The following SEC14L5 variants were observed in gnomAD, a reference collection of about 807,000 sequenced individuals.
SEC14L5 encodes the protein SEC14-like protein 5.
A neutral mutation model predicts 84.6 loss-of-function variants in SEC14L5; 96 were observed. The ratio of observed to expected loss-of-function variants is 1.13; its 90% CI spans 0.96 to 1.34. The LOEUF (loss-of-function observed/expected upper bound fraction) is 1.34, where lower values mean the gene tolerates loss of function less well. SEC14L5 is among the 40% of genes most tolerant of loss of function. The pLI, the probability that SEC14L5 is intolerant of heterozygous loss-of-function variation, is 0.00. For synonymous variants in SEC14L5, 546 were observed against 383.4 expected (o/e 1.42, Z -4.95); for missense variants, 1,224 against 942.5 (o/e 1.30, Z -3.91).
chr16:5,014,243 C>T (rs563389812), intron 15 of SEC14L5, among the ~76,000 whole-genome samples: 13 of 152,272 alleles, frequency 8.5e-5, no homozygotes, highest in Admixed American at 4.6e-4. Context: ...GTGTACAGCA[C>T]GTTCATCGCA....
Position 5,008,614 on chromosome 16 carries a change from C to T in SEC14L5, c.1766C>T (p.Ala589Val). ...VLGRDYSRVEAPLVCREGESI... is the reference protein window; with the variant it reads ...VLGRDYSRVEVPLVCREGESI... Reference sequence around the variant, plus strand: ...GGCAGGGATTACAGCCGTGTGGAGGCTCCCCTTGTCTGCCGGGAGGGGGAG... The same window carrying T: ...GGCAGGGATTACAGCCGTGTGGAGGTTCCCCTTGTCTGCCGGGAGGGGGAG... Residue 589 changes from alanine to valine, a missense_variant, in exon 14 of 16, where the codon GCT (alanine) becomes GTT (valine). Transcript: ENST00000251170. 6.2e-7 allele frequency: 1 copy of T among 1,602,490 alleles called. No homozygotes were observed. The highest frequency in any genetic ancestry group is 8.5e-7 in the Non-Finnish European group (1 of 1,177,110).
chr16:4,978,562 G>A lies in SEC14L5; in HGVS notation c.64-8995G>A, dbSNP rs1311670188. ...GCCACCTGAGTAGCTGGTATTACAG[G>A]TACGTGCCACCACACTTGGGTAATT... On this transcript the variant is annotated intron_variant, in intron 2 of 15. Transcript: ENST00000251170. 6.7e-5 allele frequency among the ~76,000 whole-genome samples: 10 copies of A among 149,024 alleles called. No individual in the cohort carries two copies. The Admixed American group carries it at 6.8e-4, about 10-fold the overall frequency.
At chr16:5,008,157 C>A (rs992229345) in intron 13 of SEC14L5, among the ~76,000 whole-genome samples, 1 of 152,030 alleles carries the variant, frequency 6.6e-6, no homozygotes, top group African/African-American at 2.4e-5. Context: ...CTCAAGTGAT[C>A]CACCCACCTC....
chr16:4,968,848 T>A (rs1268414016), intron 2 of SEC14L5, among the ~76,000 whole-genome samples: 1 of 152,238 alleles, frequency 6.6e-6, no homozygotes, highest in Non-Finnish European at 1.5e-5. Context: ...GGTAAGGTTC[T>A]GTCCTTCAGC....
chr16:4,972,452 A>C (rs1315050586), intron 2 of SEC14L5, among the ~76,000 whole-genome samples: 1 of 152,166 alleles, frequency 6.6e-6, no homozygotes, highest in Non-Finnish European at 1.5e-5. Context: ...TCATCATCCC[A>C]AACCGGACTC....
intron 13 of SEC14L5, 28 bp downstream of exon 13, chr16:5,007,514 G>A (rs775995705): frequency 1.6e-5 from 25 of 1,607,704 alleles, no homozygotes; most frequent in African/African-American, 4.0e-5. Flanking sequence ...GGGAGGGCCC[G>A]CTGAGCTGGA....
At chr16:4,968,715 C>G (rs1955236458) in intron 2 of SEC14L5, among the ~76,000 whole-genome samples, 1 of 152,228 alleles carries the variant, frequency 6.6e-6, no homozygotes, top group Non-Finnish European at 1.5e-5. Context: ...CCCAGGTGTT[C>G]CTGTGGGGCT....
chr16:5,003,373 A>G (rs1042135829), intron 10 of SEC14L5, 29 bp from the exon 11 acceptor site: 2 of 1,596,952 alleles, frequency 1.3e-6, no homozygotes, highest in Non-Finnish European at 1.7e-6. Context: ...CAGCAGAGCC[A>G]GGTGGAGCTG....
chr16:4,986,169 C>G (rs544319811), intron 2 of SEC14L5, among the ~76,000 whole-genome samples: 1 of 148,894 alleles, frequency 6.7e-6, no homozygotes, highest in Non-Finnish European at 1.5e-5. Context: ...GACAGAGTTT[C>G]GCTCTTGTCG....
chr16:4,987,607 C>T lies in SEC14L5; in HGVS notation c.114C>T (p.Gly38=), dbSNP rs1284610522. The change falls in exon 3 of 16, where the codon GGC becomes GGT. Residue 38 remains glycine, a synonymous_variant. Transcript: ENST00000251170. ...PTCPQIPVFL[G]SEVLRESRSP... ...GCCCACAGATCCCAGTCTTCCTGGG[C>T]AGCGAGGTCTTGCGCGAGTCCCGCA... 3 of 1,560,372 alleles carry T rather than the reference C, an allele frequency of 1.9e-6. No individual in the cohort carries two copies. Among genetic ancestry groups the T allele is most frequent in the East Asian group, 2.4e-5 (1 of 41,206 alleles).
At chr16:4,982,160 C>G (rs1329408226) in intron 2 of SEC14L5, among the ~76,000 whole-genome samples, 1 of 152,122 alleles carries the variant, frequency 6.6e-6, no homozygotes, top group Non-Finnish European at 1.5e-5. Flanking sequence ...CCTTGCCCAG[C>G]CTGGGGTGAC....
intron 4 of SEC14L5, among the ~76,000 whole-genome samples, chr16:4,988,847 C>T (rs530195422): frequency 2.6e-5 from 4 of 152,268 alleles, no homozygotes; most frequent in African/African-American, 9.6e-5. Context: ...GAGCACCCAG[C>T]AGTGGACCAG....
At chr16:5,006,944 G>T (rs1955738397) in intron 12 of SEC14L5, among the ~76,000 whole-genome samples, 1 of 152,046 alleles carries the variant, frequency 6.6e-6, no homozygotes, top group Non-Finnish European at 1.5e-5. Flanking sequence ...ACGGTGCAGT[G>T]ACTGTTCCAC....
chr16:4,995,244 G>A (rs1955596559), intron 6 of SEC14L5, among the ~76,000 whole-genome samples: 1 of 152,224 alleles, frequency 6.6e-6, no homozygotes. Flanking sequence ...CCACTGCTGA[G>A]ATGCCACGAG....
At chr16:5,010,430 C>G (rs1332002349) in intron 14 of SEC14L5, among the ~76,000 whole-genome samples, 1 of 152,122 alleles carries the variant, frequency 6.6e-6, no homozygotes, top group Non-Finnish European at 1.5e-5. Flanking sequence ...ATGAGCTGCC[C>G]CTGTTGATCC....
chr16:4,992,136 C>T (rs1299820250), intron 6 of SEC14L5, 106 bp downstream of exon 6: 1 of 764,592 alleles, frequency 1.3e-6, no homozygotes. Flanking sequence ...GCCGTCCCCC[C>T]TGGGAATGGG....
intron 2 of SEC14L5, among the ~76,000 whole-genome samples, chr16:4,960,994 G>A (rs1035326871): frequency 2.0e-5 from 3 of 152,138 alleles, no homozygotes; most frequent in African/African-American, 4.8e-5. Context: ...AACTTAAGCC[G>A]GGTGCAGTGG....
At position 4,996,514 on chromosome 16, in the gene SEC14L5, C is replaced by G. The variant is rs554156356; in HGVS notation, c.780+54C>G. On this transcript the variant is annotated intron_variant, in intron 7 of 15. Coordinates refer to ENST00000251170, the MANE Select transcript of SEC14L5 (RefSeq NM_014692.2). Reference sequence around the variant, plus strand: ...GGATGAATGGGCAATGACTGGTACTCAGCCTCCGTGCATGGGAAGGAAAGG... The same window carrying G: ...GGATGAATGGGCAATGACTGGTACTGAGCCTCCGTGCATGGGAAGGAAAGG... 7.4e-5 allele frequency: 67 copies of G among 907,690 alleles called. No individual in the cohort carries two copies. In the South Asian group the frequency reaches 9.3e-4, roughly 13 times the overall value. The allele number at this position is 907,690 out of a possible 1,614,324, so 56.2% of individuals were successfully genotyped here.
rs1955858880 is a variant in SEC14L5, at chr16:5,015,076, C to A, written c.*106C>A. ...CCTGGGACCATGTGGGCTGGAGCCC[C>A]AGGCCTAGATGCTGCCCAAGTTGGG... On this transcript the variant is annotated 3_prime_UTR_variant, in exon 16 of 16. Transcript: ENST00000251170. The A allele has an allele frequency of 3.4e-6, 3 of 881,838 alleles. No individual in the cohort carries two copies. Among genetic ancestry groups the A allele is most frequent in the Non-Finnish European group, 5.3e-6 (3 of 569,570 alleles). 54.6% of individuals were successfully genotyped at this position (881,838 alleles called of 1,614,324 possible). A position where few individuals can be genotyped will look rare whatever the true frequency, so the allele number is the denominator to read the frequency against.
Sources: gnomAD v4.1 joint callset for allele counts (sites outside exome capture counted in the v4.1 genomes callset) on GRCh38, gnomAD v4.1.1 for gene constraint, MANE v1.5 for transcripts, NCBI Gene and HGNC (gene_info 2026-07-23, HGNC 2026-07-21) for gene names.